AUTS2: variants seen among roughly 807,000 people sequenced by gnomAD.
AUTS2 encodes autism susceptibility gene 2 protein.
A neutral mutation model predicts 112.4 loss-of-function variants in AUTS2; 17 were observed. The observed-to-expected ratio is 0.15, with a 90% CI of 0.10 to 0.23. The LOEUF (loss-of-function observed/expected upper bound fraction) is 0.23, where lower values mean the gene tolerates loss of function less well. AUTS2 is among the 10% of genes least tolerant of loss of function. The pLI is 1.00. For missense variants in AUTS2, 1,510 were observed against 1,701.6 expected (o/e 0.89, Z 1.98); for synonymous variants, 751 against 702.7 (o/e 1.07, Z -1.09).
chr7:70,363,861 C>T (rs1010289584), intron 4 of AUTS2, among the ~76,000 whole-genome samples: 21 of 152,224 alleles, frequency 1.4e-4, no homozygotes, highest in Non-Finnish European at 2.9e-4. Context: ...TTACAGTCCT[C>T]CTCTAGCCTA....
intron 2 of AUTS2, among the ~76,000 whole-genome samples, chr7:69,902,164 G>T (rs1183039352): frequency 6.6e-6 from 1 of 152,024 alleles, no homozygotes; most frequent in South Asian, 2.1e-4. Flanking sequence ...GAGGGGAGTG[G>T]TCCATTGTGT....
At chr7:69,741,541 C>T (rs1314420445) in intron 1 of AUTS2, among the ~76,000 whole-genome samples, 1 of 151,926 alleles carries the variant, frequency 6.6e-6, no homozygotes, top group Non-Finnish European at 1.5e-5. Flanking sequence ...CCTGCCTCTA[C>T]TAAAAATAAA....
At chr7:70,510,745 A>G (rs1585235246) in intron 5 of AUTS2, among the ~76,000 whole-genome samples, 1 of 152,198 alleles carries the variant, frequency 6.6e-6, no homozygotes, top group South Asian at 2.1e-4. Context: ...TGAAAAAGTT[A>G]TTTTTATAAA....
intron 2 of AUTS2, among the ~76,000 whole-genome samples, chr7:69,995,390 A>G (rs1400275309): frequency 6.6e-6 from 1 of 152,006 alleles, no homozygotes; most frequent in African/African-American, 2.4e-5. Flanking sequence ...GCTTTACTAC[A>G]CTCTAATTTG....
chr7:69,963,424 C>A (rs748013308), intron 2 of AUTS2, among the ~76,000 whole-genome samples: 1 of 152,126 alleles, frequency 6.6e-6, no homozygotes, highest in African/African-American at 2.4e-5. Context: ...CCTCTCTGGT[C>A]CTCTTCCCTT....
At chr7:70,410,463 G>A (rs556699052) in intron 4 of AUTS2, among the ~76,000 whole-genome samples, 6 of 148,724 alleles carry the variant, frequency 4.0e-5, no homozygotes, top group South Asian at 2.1e-4. Context: ...AGTCTCTATC[G>A]CCCAGGCTGG....
At chr7:70,340,031 A>G (rs917952953) in intron 4 of AUTS2, among the ~76,000 whole-genome samples, 1 of 152,126 alleles carries the variant, frequency 6.6e-6, no homozygotes, top group Non-Finnish European at 1.5e-5. Context: ...TTACTTAGCT[A>G]TTTAATACCA....
intron 2 of AUTS2, among the ~76,000 whole-genome samples, chr7:70,098,517 T>C (rs1046910998): frequency 6.6e-6 from 1 of 152,064 alleles, no homozygotes; most frequent in Non-Finnish European, 1.5e-5. Flanking sequence ...CATGCAGCTG[T>C]TGCCATGGCT....
chr7:70,166,432 G>A (rs1055193047), intron 4 of AUTS2, among the ~76,000 whole-genome samples: 4 of 151,886 alleles, frequency 2.6e-5, no homozygotes, highest in African/African-American at 9.7e-5. Context: ...ATAAAATTTT[G>A]GCAATAATAC....
chr7:69,673,951 A>T (rs1288632264), intron 1 of AUTS2, among the ~76,000 whole-genome samples: 1 of 152,246 alleles, frequency 6.6e-6, no homozygotes, highest in Non-Finnish European at 1.5e-5. Context: ...TTCCTAAGTG[A>T]GTTTATATAT....
At chr7:70,787,489 C>T (rs541744892) in intron 18 of AUTS2, 58 bp downstream of exon 18, 1 of 1,277,424 alleles carries the variant, frequency 7.8e-7, no homozygotes, top group African/African-American at 1.5e-5. Context: ...TGCCAAGTAC[C>T]AGTGGAACTG....
chr7:70,598,181 A>T (rs1030935259), intron 5 of AUTS2, among the ~76,000 whole-genome samples: 1 of 152,120 alleles, frequency 6.6e-6, no homozygotes, highest in Non-Finnish European at 1.5e-5. Context: ...CACTGTCCAG[A>T]ATTTTAAGGG....
chr7:69,708,866 T>G (rs1164097679), intron 1 of AUTS2, among the ~76,000 whole-genome samples: 1 of 152,202 alleles, frequency 6.6e-6, no homozygotes, highest in South Asian at 2.1e-4. Context: ...ACACAACCAG[T>G]CCTACATTGA....
At chr7:70,689,707 C>T (rs1392311271) in intron 5 of AUTS2, among the ~76,000 whole-genome samples, 4 of 136,116 alleles carry the variant, frequency 2.9e-5, no homozygotes, top group East Asian at 4.9e-4. Context: ...ACCCGGGAGG[C>T]GGGGCTTGCA....
intron 7 of AUTS2, among the ~76,000 whole-genome samples, chr7:70,763,993 CA>C (rs1484092631): frequency 6.6e-6 from 1 of 152,160 alleles, no homozygotes; most frequent in African/African-American, 2.4e-5. Flanking sequence ...AGGAACACAG[CA>C]AAGAAAAGAG....
At chr7:69,880,548 C>CA (rs898511999) in intron 1 of AUTS2, among the ~76,000 whole-genome samples, 13 of 152,154 alleles carry the variant, frequency 8.5e-5, no homozygotes, top group African/African-American at 3.1e-4. Flanking sequence ...AAGGCAATCT[C>CA]AAAGGATAAT....
At chr7:70,056,059 C>T (rs1801979366) in intron 2 of AUTS2, among the ~76,000 whole-genome samples, 1 of 152,082 alleles carries the variant, frequency 6.6e-6, no homozygotes, top group African/African-American at 2.4e-5. Context: ...GTCATCTTGG[C>T]TCACTGCAAC....
At chr7:70,097,562 T>C (rs1372977158) in intron 2 of AUTS2, among the ~76,000 whole-genome samples, 1 of 152,244 alleles carries the variant, frequency 6.6e-6, no homozygotes, top group East Asian at 1.9e-4. Flanking sequence ...TTGTCACTTA[T>C]TTCTAACACT....
At chr7:70,183,895 A>C (rs1035895468) in intron 4 of AUTS2, among the ~76,000 whole-genome samples, 4 of 149,968 alleles carry the variant, frequency 2.7e-5, no homozygotes, top group African/African-American at 9.9e-5. Context: ...CTTCACAAGC[A>C]TGCCTGTAAT....
Sources: gnomAD v4.1 joint callset for allele counts (sites outside exome capture counted in the v4.1 genomes callset) on GRCh38, gnomAD v4.1.1 for gene constraint, MANE v1.5 for transcripts, NCBI Gene and HGNC (gene_info 2026-07-23, HGNC 2026-07-21) for gene names.